CATSPERT: variants seen among roughly 807,000 people sequenced by gnomAD.
CATSPERT encodes the protein cation channel sperm-associated targeting subunit tau.
the CATSPERT span, among the ~76,000 whole-genome samples, chr2:201,615,121 A>C: frequency 2.6e-5 from 4 of 152,226 alleles, no homozygotes; most frequent in Non-Finnish European, 5.9e-5. Flanking sequence ...CCTTTAACAC[A>C]CCACTGTCAA....
the CATSPERT span, among the ~76,000 whole-genome samples, chr2:201,588,533 G>A: frequency 1.4e-5 from 2 of 146,756 alleles, no homozygotes; most frequent in Non-Finnish European, 3.0e-5. Context: ...TCTGAGGTAT[G>A]GTCCTTCAAT....
At chr2:201,536,660 T>A in the CATSPERT span, among the ~76,000 whole-genome samples, 1 of 151,734 alleles carries the variant, frequency 6.6e-6, no homozygotes, top group Non-Finnish European at 1.5e-5. Flanking sequence ...GAAATTTTAA[T>A]AACAAAATGC....
chr2:201,493,929 T>C, the CATSPERT span: 10 of 1,537,100 alleles, frequency 6.5e-6, no homozygotes, highest in Admixed American at 3.9e-5. Context: ...TTTCTAAAAA[T>C]GAATCTGCAG....
the CATSPERT span, chr2:201,492,015 A>G: frequency 6.5e-7 from 1 of 1,536,708 alleles, no homozygotes; most frequent in Admixed American, 2.0e-5. Flanking sequence ...TTGGTGTTTT[A>G]GCTTCTTCCT....
chr2:201,541,717 T>C, the CATSPERT span, among the ~76,000 whole-genome samples: 3 of 151,668 alleles, frequency 2.0e-5, no homozygotes, highest in African/African-American at 7.3e-5. Context: ...TGTCTCAGCC[T>C]CCTGAGTAGC....
chr2:201,508,861 C>T, the CATSPERT span, among the ~76,000 whole-genome samples: 1 of 151,478 alleles, frequency 6.6e-6, no homozygotes, highest in Non-Finnish European at 1.5e-5. Flanking sequence ...ATTTATATAC[C>T]ACAGTTTCCT....
chr2:201,537,724 C>G, the CATSPERT span, among the ~76,000 whole-genome samples: 1 of 151,636 alleles, frequency 6.6e-6, no homozygotes, highest in Non-Finnish European at 1.5e-5. Flanking sequence ...CAGGTACATG[C>G]TATATTTTTT....
chr2:201,582,002 C>CA, the CATSPERT span: 1 of 1,449,012 alleles, frequency 6.9e-7, no homozygotes, highest in Non-Finnish European at 9.3e-7. Context: ...AGATAATAAA[C>CA]AAAAAAAGCC....
chr2:201,568,969 G>A, the CATSPERT span, among the ~76,000 whole-genome samples: 1 of 152,114 alleles, frequency 6.6e-6, no homozygotes, highest in Middle Eastern at 3.2e-3. Context: ...CTGATCAGTT[G>A]AGCTCCATAA....
chr2:201,493,906 T>G, the CATSPERT span: 4 of 1,537,264 alleles, frequency 2.6e-6, no homozygotes, highest in Non-Finnish European at 3.5e-6. Flanking sequence ...CTCTGGAGAT[T>G]GTCCTGGTCC....
At chr2:201,494,592 AGTTTTTGATTGTGCTGG>A in the CATSPERT span, 1 of 1,537,310 alleles carries the variant, frequency 6.5e-7, no homozygotes, top group Non-Finnish European at 8.7e-7. Context: ...CAGGTCCTGC[AGTTTTTGATTGTGCTGG>A]ATAAGGAGGA....
At chr2:201,487,611 T>C in the CATSPERT span, 2 of 1,609,170 alleles carry the variant, frequency 1.2e-6, no homozygotes, top group African/African-American at 1.3e-5. Context: ...GCGAACATTT[T>C]TCAATATCCT....
the CATSPERT span, among the ~76,000 whole-genome samples, chr2:201,593,662 T>C: frequency 6.5e-4 from 98 of 150,682 alleles, 1 homozygote; most frequent in Non-Finnish European, 1.1e-3. Flanking sequence ...CTGGGTGCTC[T>C]TGTATTGGGT....
At chr2:201,601,973 A>G in the CATSPERT span, 1 of 935,704 alleles carries the variant, frequency 1.1e-6, no homozygotes, top group Admixed American at 2.9e-5. Flanking sequence ...GATTCAGACC[A>G]AAACCTAAGA....
At chr2:201,618,563 T>C in the CATSPERT span, among the ~76,000 whole-genome samples, 4 of 113,108 alleles carry the variant, frequency 3.5e-5, no homozygotes, top group Non-Finnish European at 7.3e-5. Context: ...CTGTCGTGGG[T>C]TGGGGGGAGG....
chr2:201,521,433 G>GAC, the CATSPERT span, among the ~76,000 whole-genome samples: 7 of 82,800 alleles, frequency 8.5e-5, no homozygotes, highest in South Asian at 1.3e-3. Context: ...GAGACAGACA[G>GAC]AGAGAGAGAG....
the CATSPERT span, among the ~76,000 whole-genome samples, chr2:201,541,336 G>A: frequency 6.6e-6 from 1 of 151,708 alleles, no homozygotes; most frequent in South Asian, 2.1e-4. Flanking sequence ...AAACACCATC[G>A]CATACTACAG....
the CATSPERT span, chr2:201,545,436 TA>T: frequency 1.3e-6 from 1 of 752,398 alleles, no homozygotes; most frequent in Non-Finnish European, 2.1e-6. Context: ...ATTTATTTCC[TA>T]ACAAAACAGA....
chr2:201,580,073 C>T, the CATSPERT span, among the ~76,000 whole-genome samples: 1 of 152,148 alleles, frequency 6.6e-6, no homozygotes, highest in Non-Finnish European at 1.5e-5. Flanking sequence ...TCTCCAACTA[C>T]TGGCCTCAAC....
Sources: allele counts gnomAD v4.1 joint callset (sites outside exome capture counted in the v4.1 genomes callset), GRCh38; gene constraint gnomAD v4.1.1; transcripts MANE v1.5; gene names NCBI Gene and HGNC (gene_info 2026-07-23, HGNC 2026-07-21).